ASZ1: variants seen among roughly 807,000 people sequenced by gnomAD.
The protein encoded by ASZ1 is ankyrin repeat, SAM and basic leucine zipper domain containing 1, also known as ankyrin repeat, SAM and basic leucine zipper domain-containing protein 1.
In ASZ1, 67 loss-of-function variants were observed where a neutral mutation model predicts 61.8. The observed-to-expected ratio is 1.08, with a 90% CI of 0.89 to 1.33. The LOEUF (loss-of-function observed/expected upper bound fraction) is 1.33. ASZ1 is among the 40% of genes most tolerant of loss of function. The probability of loss-of-function intolerance (pLI) is 0.00; values close to 1 mark genes in which losing one functional copy is unlikely to be tolerated. For missense variants in ASZ1, 577 were observed against 554.5 expected (o/e 1.04, Z -0.41); for synonymous variants, 193 against 192.7 (o/e 1.00, Z -0.01).
rs1562844162 is a variant in ASZ1, at chr7:117,368,675, CTG to C, written c.1096_1097del (p.Gln366ValfsTer14). ...GTACAGCTGTTATTAAATGGCCACA[CTG>C]TTTATTTAATTTGAGAAGAAAGTTG... The part of the protein sequence containing the change: ...FLNFLLKLNK[Q>X]CGHLITAVQN... On this transcript the variant is annotated frameshift_variant, in exon 11 of 13. Transcript: ENST00000284629. LOFTEE classifies it high-confidence loss of function. 1.2e-6 allele frequency: 2 copies of C among 1,612,884 alleles called. No individual in the cohort carries two copies. The highest frequency in any genetic ancestry group is 1.7e-5 in the Admixed American group (1 of 59,944).
chr7:117,418,650 C>T (rs1278333287), intron 4 of ASZ1, among the ~76,000 whole-genome samples: 4 of 95,960 alleles, frequency 4.2e-5, no homozygotes, highest in Admixed American at 2.9e-4. Context: ...AAGACTCCAT[C>T]TCAAAAAAAA....
chr7:117,379,227 G>A (rs1796205835), intron 10 of ASZ1, among the ~76,000 whole-genome samples: 1 of 144,330 alleles, frequency 6.9e-6, no homozygotes, highest in Admixed American at 7.0e-5. Context: ...ATATGAGTAA[G>A]CCGTATGGGT....
chr7:117,370,333 A>AG (rs1414700599), intron 10 of ASZ1, among the ~76,000 whole-genome samples: 4 of 152,192 alleles, frequency 2.6e-5, no homozygotes, highest in African/African-American at 9.7e-5. Context: ...GAGAGTTGAT[A>AG]GGGGTGGAAC....
Position 117,381,177 on chromosome 7 carries a change from A to G in ASZ1, c.889-110T>C, listed in dbSNP as rs531920315. 3.8e-4 allele frequency: 344 copies of G among 905,726 alleles called. 8 individuals carry two copies. In the South Asian group the frequency reaches 5.7e-3, roughly 15 times the overall value. 56.1% of individuals were successfully genotyped at this position (905,726 alleles called of 1,614,324 possible). A position where few individuals can be genotyped will look rare whatever the true frequency, so the allele number is the denominator to read the frequency against. ...TTGCTTCACTCTGAAGCAAATTCCAATTTTCTAGAGGGGACAGGATATATA... is the reference window on the plus strand; with the variant it reads ...TTGCTTCACTCTGAAGCAAATTCCAGTTTTCTAGAGGGGACAGGATATATA... On this transcript the variant is annotated intron_variant, in intron 8 of 12. Transcript: ENST00000284629.
chr7:117,412,737 T>C (rs1277164473), intron 4 of ASZ1, among the ~76,000 whole-genome samples: 1 of 151,544 alleles, frequency 6.6e-6, no homozygotes, highest in Non-Finnish European at 1.5e-5. Flanking sequence ...ATGTAACAAA[T>C]ACATATGGTA....
In ASZ1 at chr7:117,424,949, AC is replaced by A. The variant is rs931767229; in HGVS notation, c.205+1886del. ...ATTTTAATTCTCCCCCTTGCCAACA[AC>A]CCTTTGATATAATAATCCTCATTTT... is the stretch of plus-strand genomic sequence containing the variant. On this transcript the variant is annotated intron_variant, in intron 2 of 12. Transcript: ENST00000284629. 4.6e-5 allele frequency among the ~76,000 whole-genome samples: 7 copies of A among 152,218 alleles called. No individual in the cohort carries two copies. In the South Asian group the frequency reaches 6.2e-4, roughly 14 times the overall value.
intron 4 of ASZ1, among the ~76,000 whole-genome samples, chr7:117,404,879 T>A (rs1276723851): frequency 6.6e-6 from 1 of 152,070 alleles, no homozygotes; most frequent in Non-Finnish European, 1.5e-5. Context: ...ATTTTATTCA[T>A]CTCGAATCTA....
intron 2 of ASZ1, among the ~76,000 whole-genome samples, chr7:117,423,861 C>CAA (rs1300803626): frequency 1.9e-5 from 2 of 104,212 alleles, no homozygotes; most frequent in Non-Finnish European, 4.1e-5. Flanking sequence ...GACTCCATCT[C>CAA]AAAAAAAAAA....
chr7:117,386,950 A>G (rs528604515), intron 4 of ASZ1, among the ~76,000 whole-genome samples: 1 of 152,108 alleles, frequency 6.6e-6, no homozygotes, highest in South Asian at 2.1e-4. Context: ...CATTAGATAG[A>G]CAATCTTTAT....
intron 4 of ASZ1, among the ~76,000 whole-genome samples, chr7:117,406,412 T>C (rs577236547): frequency 6.6e-6 from 1 of 152,178 alleles, no homozygotes; most frequent in Non-Finnish European, 1.5e-5. Context: ...TAAATCCAAA[T>C]AAAAGTTGGT....
At chr7:117,378,521 C>A (rs1053168338) in intron 10 of ASZ1, among the ~76,000 whole-genome samples, 5 of 152,008 alleles carry the variant, frequency 3.3e-5, no homozygotes, top group African/African-American at 1.2e-4. Context: ...AAAAATCATG[C>A]TAACACCAAA....
chr7:117,383,225 G>A (rs543731383), intron 6 of ASZ1, 115 bp from the exon 7 acceptor site: 1 of 1,184,026 alleles, frequency 8.4e-7, no homozygotes, highest in South Asian at 2.0e-5. Flanking sequence ...TAGCAAGTAA[G>A]TGGGACAGAT....
chr7:117,420,005 C>A (rs1261721674), intron 4 of ASZ1, among the ~76,000 whole-genome samples, 158 bp downstream of exon 4: 2 of 152,156 alleles, frequency 1.3e-5, no homozygotes, highest in Non-Finnish European at 2.9e-5. Context: ...ATATCCCCTT[C>A]CTCTGATAAT....
At chr7:117,401,444 T>C (rs1796679359) in intron 4 of ASZ1, among the ~76,000 whole-genome samples, 1 of 151,058 alleles carries the variant, frequency 6.6e-6, no homozygotes, top group Non-Finnish European at 1.5e-5. Flanking sequence ...GGATAAAATC[T>C]AATACCTTCA....
At chr7:117,377,785 T>C (rs1178112946) in intron 10 of ASZ1, among the ~76,000 whole-genome samples, 1 of 152,132 alleles carries the variant, frequency 6.6e-6, no homozygotes, top group African/African-American at 2.4e-5. Flanking sequence ...CTCTTCCTGA[T>C]ATTAAGGTTT....
At chr7:117,404,883 G>A (rs946498418) in intron 4 of ASZ1, among the ~76,000 whole-genome samples, 1 of 151,974 alleles carries the variant, frequency 6.6e-6, no homozygotes, top group Non-Finnish European at 1.5e-5. Flanking sequence ...TATTCATCTC[G>A]AATCTAGAGA....
At chr7:117,368,331 T>A in intron 11 of ASZ1, 1 of 1,057,668 alleles carries the variant, frequency 9.5e-7, no homozygotes, top group Non-Finnish European at 1.1e-6. Flanking sequence ...TCCTGTCACT[T>A]TATATTTTAA....
chr7:117,408,774 G>T (rs1486527013), intron 4 of ASZ1, among the ~76,000 whole-genome samples: 1 of 152,142 alleles, frequency 6.6e-6, no homozygotes, highest in African/African-American at 2.4e-5. Context: ...ACTGCATAAT[G>T]TAGTAAACAG....
chr7:117,386,831 C>A (rs2116476871), intron 4 of ASZ1, among the ~76,000 whole-genome samples: 1 of 152,078 alleles, frequency 6.6e-6, no homozygotes, highest in African/African-American at 2.4e-5. Flanking sequence ...ATATCTGTTT[C>A]TTATATTTCA....
Sources: gnomAD v4.1 joint callset for allele counts (sites outside exome capture counted in the v4.1 genomes callset) on GRCh38, gnomAD v4.1.1 for gene constraint, MANE v1.5 for transcripts, NCBI Gene and HGNC (gene_info 2026-07-23, HGNC 2026-07-21) for gene names.